The following TUSC3 variants were observed in gnomAD, a reference collection of about 807,000 sequenced individuals.
The protein encoded by TUSC3 is tumor suppressor candidate 3.
A neutral mutation model predicts 44.8 loss-of-function variants in TUSC3; 45 were observed. That is an observed-to-expected ratio of 1.00 (90% confidence interval 0.79 to 1.29). The LOEUF is 1.29. TUSC3 is among the 50% of genes most tolerant of loss of function. TUSC3 has a pLI of 0.00. For synonymous variants in TUSC3, 212 were observed against 152.9 expected (o/e 1.39, Z -2.85); for missense variants, 519 against 437.9 (o/e 1.19, Z -1.65).
At chr8:15,545,918 A>G (rs73538425) in intron 1 of TUSC3, among the ~76,000 whole-genome samples, 2,352 of 151,840 alleles carry the variant, frequency 0.015, 62 homozygotes, top group African/African-American at 0.052. Context: ...AGACTATCAG[A>G]TATCTCTGAT....
intron 8 of TUSC3, among the ~76,000 whole-genome samples, chr8:15,747,571 T>C (rs556668460): frequency 1.3e-5 from 2 of 152,178 alleles, no homozygotes; most frequent in South Asian, 4.1e-4. Context: ...ATATCCAAAA[T>C]ACTATATGCA....
At position 15,555,891 on chromosome 8, in the gene TUSC3, A is replaced by G. The variant is rs1387668095; in HGVS notation, c.138+15323A>G. On this transcript the variant is annotated intron_variant, in intron 1 of 10. Transcript: ENST00000503731. ...ATATAAGCCAATGTTGATTTATAAT[A>G]ATTTATAGTTCTCTGATAAAAATAT... 1.3e-5 allele frequency among the ~76,000 whole-genome samples: 2 copies of G among 151,584 alleles called. 1 individual carries two copies. Among genetic ancestry groups the G allele is most frequent in the Non-Finnish European group, 2.9e-5 (2 of 67,828 alleles).
At chr8:15,655,790 G>A (rs939553571) in intron 3 of TUSC3, among the ~76,000 whole-genome samples, 50 of 152,236 alleles carry the variant, frequency 3.3e-4, no homozygotes, top group African/African-American at 1.2e-3. Flanking sequence ...ATAAATATAT[G>A]CTAAATAGTT....
chr8:15,625,170 G>A (rs766599335), intron 2 of TUSC3, among the ~76,000 whole-genome samples: 4 of 151,978 alleles, frequency 2.6e-5, no homozygotes, highest in African/African-American at 4.8e-5. Flanking sequence ...ATGTTGAACT[G>A]GTCTTGCATA....
intron 2 of TUSC3, among the ~76,000 whole-genome samples, chr8:15,626,994 G>T (rs1328921052): frequency 6.6e-6 from 1 of 152,090 alleles, no homozygotes; most frequent in Non-Finnish European, 1.5e-5. Flanking sequence ...GGGCTGGGCT[G>T]CCGGTCCCGT....
intron 1 of TUSC3, among the ~76,000 whole-genome samples, chr8:15,480,410 A>T (rs1800642395): frequency 6.6e-6 from 1 of 152,234 alleles, no homozygotes; most frequent in Non-Finnish European, 1.5e-5. Context: ...TAGGATTGCC[A>T]TGAAAAAATA....
At chr8:15,499,748 T>G (rs747538225) in intron 2 of TUSC3, among the ~76,000 whole-genome samples, 3 of 152,136 alleles carry the variant, frequency 2.0e-5, no homozygotes, top group Non-Finnish European at 4.4e-5. Context: ...CTGCCTATCT[T>G]TGAGCTGAGA....
intron 7 of TUSC3, among the ~76,000 whole-genome samples, chr8:15,743,087 G>A (rs1585292261): frequency 1.3e-5 from 2 of 152,066 alleles, no homozygotes; most frequent in South Asian, 2.1e-4. Flanking sequence ...ACATGATACC[G>A]GACCTTCATA....
the TUSC3 span, among the ~76,000 whole-genome samples, chr8:15,810,149 C>T: frequency 2.6e-4 from 40 of 152,180 alleles, no homozygotes; most frequent in African/African-American, 6.5e-4. Flanking sequence ...TTGGGGGAAA[C>T]GTAAATTCTC....
chr8:15,494,815 T>A (rs1032482324), intron 2 of TUSC3, among the ~76,000 whole-genome samples: 2 of 152,174 alleles, frequency 1.3e-5, no homozygotes, highest in East Asian at 3.9e-4. Context: ...TTAGGGAGTT[T>A]TCTTTTCTTG....
the TUSC3 span, among the ~76,000 whole-genome samples, chr8:15,787,151 A>C: frequency 6.6e-6 from 1 of 152,082 alleles, no homozygotes; most frequent in East Asian, 1.9e-4. Context: ...CAATTACATC[A>C]TTTTCAGAAA....
At chr8:15,479,191 T>C (rs1016992389) in intron 1 of TUSC3, among the ~76,000 whole-genome samples, 2 of 152,314 alleles carry the variant, frequency 1.3e-5, no homozygotes, top group Middle Eastern at 3.4e-3. Flanking sequence ...TAGACCTTTG[T>C]CAGATGGGTA....
chr8:15,476,951 G>T (rs1489725300), intron 1 of TUSC3, among the ~76,000 whole-genome samples: 2 of 152,182 alleles, frequency 1.3e-5, no homozygotes, highest in Non-Finnish European at 2.9e-5. Flanking sequence ...AGAGGCTAAA[G>T]TGAAGTTACA....
At chr8:15,647,447 A>C (rs1029273556) in intron 2 of TUSC3, among the ~76,000 whole-genome samples, 2 of 151,958 alleles carry the variant, frequency 1.3e-5, no homozygotes, top group Non-Finnish European at 2.9e-5. Flanking sequence ...CTATAGATTT[A>C]ATATGTTCTA....
chr8:15,519,579 G>A (rs958871001), intron 2 of TUSC3, among the ~76,000 whole-genome samples: 3 of 152,040 alleles, frequency 2.0e-5, no homozygotes, highest in African/African-American at 4.8e-5. Flanking sequence ...ATTGTGAACT[G>A]TGCACCTGAG....
At chr8:15,620,399 C>T (rs916841749) in intron 1 of TUSC3, among the ~76,000 whole-genome samples, 1 of 152,048 alleles carries the variant, frequency 6.6e-6, no homozygotes, top group African/African-American at 2.4e-5. Context: ...AGTTAGAATT[C>T]TACATTTTTC....
intron 1 of TUSC3, among the ~76,000 whole-genome samples, chr8:15,470,145 C>T (rs900312652): frequency 2.7e-4 from 41 of 150,636 alleles, no homozygotes; most frequent in African/African-American, 8.3e-4. Flanking sequence ...CATGGTAGTG[C>T]GTGCCTGTAG....
chr8:15,836,677 C>T, the TUSC3 span, among the ~76,000 whole-genome samples: 3 of 152,070 alleles, frequency 2.0e-5, no homozygotes, highest in Non-Finnish European at 4.4e-5. Context: ...ATCTATCTTC[C>T]TTCCACTTAC....
intron 1 of TUSC3, among the ~76,000 whole-genome samples, chr8:15,425,077 GAC>G (rs1799787220): frequency 6.6e-6 from 1 of 152,144 alleles, no homozygotes; most frequent in Admixed American, 6.5e-5. Context: ...GATAAAAACT[GAC>G]ATCTCTTTAG....
Sources: gnomAD v4.1 joint callset for allele counts (sites outside exome capture counted in the v4.1 genomes callset) on GRCh38, gnomAD v4.1.1 for gene constraint, MANE v1.5 for transcripts, NCBI Gene and HGNC (gene_info 2026-07-23, HGNC 2026-07-21) for gene names.